PCDHGA2: variants seen among roughly 807,000 people sequenced by gnomAD.
PCDHGA2 encodes protocadherin gamma subfamily A, 2, also known as protocadherin gamma-A2.
Under a neutral mutation model 59.2 loss-of-function variants are expected in PCDHGA2, and 40 were observed. The observed-to-expected ratio is 0.68, with a 90% CI of 0.52 to 0.88. The LOEUF (loss-of-function observed/expected upper bound fraction) is 0.88. Among genes scored for constraint, PCDHGA2 ranks in the 40% least tolerant of loss-of-function variants. PCDHGA2 has a pLI of 0.00. For synonymous variants in PCDHGA2, 560 were observed against 526.0 expected (o/e 1.06, Z -0.89); for missense variants, 1,226 against 1,204.0 (o/e 1.02, Z -0.27).
rs780923234 is a variant in PCDHGA2 at position 141,339,362 on chromosome 5, C to G, written c.391C>G (p.Pro131Ala). 5 of 1,614,146 alleles carry G rather than the reference C, an allele frequency of 3.1e-6. No homozygotes were observed. The Admixed American group carries it at 8.3e-5, about 27-fold the overall frequency. Residue 131 changes from proline to alanine, a missense_variant, in exon 1 of 4, where the codon CCT becomes GCT. Transcript: ENST00000394576. Reference sequence around the variant, plus strand: ...AATAACAGATATTAACGATAATGCCCCTCGCTTTGGAGTAGAGGAACTGGA... The same window carrying G: ...AATAACAGATATTAACGATAATGCCGCTCGCTTTGGAGTAGAGGAACTGGA... ...VEITDINDNAPRFGVEELELK... is the reference protein window; with the variant it reads ...VEITDINDNAARFGVEELELK...
chr5:141,419,507 G>A (rs909984738), intron 1 of PCDHGA2: 2 of 1,612,198 alleles, frequency 1.2e-6, no homozygotes, highest in Non-Finnish European at 1.7e-6. Context: ...GAGCCTGCGC[G>A]TGTTGGTGGG....
Position 141,485,094 on chromosome 5 carries a change from C to A in PCDHGA2, c.2425-9713C>A. ...GGCGCGGGGAAAGGGAGATAGGTGT[C>A]TCCAGCTGCTGTGGCTGTTTGGGGC... On this transcript the variant is annotated intron_variant, in intron 1 of 3. Coordinates refer to ENST00000394576, the MANE Select transcript of PCDHGA2 (RefSeq NM_018915.4). The surrounding 1 kb of genome is among the most constrained non-coding windows in gnomAD (Gnocchi z 5.7). 9.1e-7 allele frequency: 1 copy of A among 1,100,766 alleles called. No individual in the cohort carries two copies. Among genetic ancestry groups the A allele is most frequent in the Non-Finnish European group, 1.4e-6 (1 of 736,922 alleles). The allele number at this position is 1,100,766 out of a possible 1,614,324, so 68.2% of individuals were successfully genotyped here. A position where few individuals can be genotyped will look rare whatever the true frequency, so the allele number is the denominator to read the frequency against.
At chr5:141,352,270 C>G in intron 1 of PCDHGA2, 1 of 1,614,072 alleles carries the variant, frequency 6.2e-7, no homozygotes, top group East Asian at 2.2e-5. Context: ...TATTGCCAGA[C>G]CTCAGCGACC....
At chr5:141,404,906 C>T (rs776779922) in intron 1 of PCDHGA2, 7 of 1,613,864 alleles carry the variant, frequency 4.3e-6, no homozygotes, top group Non-Finnish European at 5.1e-6. Context: ...CCATGGCCAG[C>T]CCCCTCTCTC....
chr5:141,477,553 A>T lies in PCDHGA2; in HGVS notation c.2425-17254A>T, dbSNP rs1478806410. 6.2e-7 allele frequency: 1 copy of T among 1,614,090 alleles called. No homozygotes were observed. Among genetic ancestry groups the T allele is most frequent in the Admixed American group, 1.7e-5 (1 of 60,028 alleles). On this transcript the variant is annotated intron_variant, in intron 1 of 3. Coordinates refer to ENST00000394576, the MANE Select transcript of PCDHGA2 (RefSeq NM_018915.4). The surrounding 1 kb of genome is among the most constrained non-coding windows in gnomAD (Gnocchi z 4.9). ...TCCCCGGGGCTCCAATACTAAACCT[A>T]AGTGTCTGGGACCCCGACGCCCCGC...
At chr5:141,349,688 G>A (rs542039698) in intron 1 of PCDHGA2, among the ~76,000 whole-genome samples, 21 of 151,828 alleles carry the variant, frequency 1.4e-4, no homozygotes, top group African/African-American at 4.8e-4. Context: ...TTACAGAAAG[G>A]TAGGTATTTT....
intron 1 of PCDHGA2, among the ~76,000 whole-genome samples, chr5:141,348,225 G>A (rs6877775): frequency 0.14 from 21,501 of 152,124 alleles, 2,088 homozygotes; most frequent in African/African-American, 0.28. Context: ...ATTAGGAAAA[G>A]GCACATTTAA....
In PCDHGA2 at chr5:141,431,964, A is replaced by G; in HGVS notation, c.2425-62843A>G. On this transcript the variant is annotated intron_variant, in intron 1 of 3. Coordinates refer to ENST00000394576, the MANE Select transcript of PCDHGA2 (RefSeq NM_018915.4). The surrounding 1 kb of genome is among the most constrained non-coding windows in gnomAD (Gnocchi z 4.8). Reference sequence around the variant, plus strand: ...TTAGAAAAATCTTACGGAAATTACTATAGTTTAGTCACAGACATAGTCTTG... The same window carrying G: ...TTAGAAAAATCTTACGGAAATTACTGTAGTTTAGTCACAGACATAGTCTTG... 2.5e-6 allele frequency: 4 copies of G among 1,614,218 alleles called. No individual in the cohort carries two copies. The highest frequency in any genetic ancestry group is 2.5e-6 in the Non-Finnish European group (3 of 1,180,028).
At chr5:141,371,163 G>A (rs79773129) in intron 1 of PCDHGA2, 6 of 1,613,984 alleles carry the variant, frequency 3.7e-6, no homozygotes, top group African/African-American at 1.3e-5. Flanking sequence ...GAACCTGCCC[G>A]CTGGCTCCTC....
intron 3 of PCDHGA2, among the ~76,000 whole-genome samples, chr5:141,508,616 G>T (rs1007206932): frequency 6.6e-6 from 1 of 152,114 alleles, no homozygotes; most frequent in African/African-American, 2.4e-5. Flanking sequence ...ATAGGACGTG[G>T]GTGGGCCGAG....
At chr5:141,347,618 C>T (rs551729279) in intron 1 of PCDHGA2, among the ~76,000 whole-genome samples, 3 of 151,998 alleles carry the variant, frequency 2.0e-5, no homozygotes, top group Non-Finnish European at 2.9e-5. Context: ...GAAAGCCTGT[C>T]TCTACTAAAA....
intron 1 of PCDHGA2, chr5:141,420,219 T>C: frequency 6.2e-7 from 1 of 1,607,100 alleles, no homozygotes. Flanking sequence ...GATAGCATGC[T>C]ACTGGCTAGC....
At chr5:141,414,312 C>T in intron 1 of PCDHGA2, 1 of 1,613,724 alleles carries the variant, frequency 6.2e-7, no homozygotes, top group South Asian at 1.1e-5. Context: ...ATGATTTAGA[C>T]TCTGAGCAGA....
At chr5:141,389,631 G>A (rs1390648430) in intron 1 of PCDHGA2, 15 of 1,612,998 alleles carry the variant, frequency 9.3e-6, no homozygotes, top group African/African-American at 1.3e-5. Flanking sequence ...TGCAGAGCCT[G>A]GCTACTTGGT....
Position 141,393,006 on chromosome 5 carries a change from C to T in PCDHGA2, c.2424+51611C>T, listed in dbSNP as rs182052960. On this transcript the variant is annotated intron_variant, in intron 1 of 3. Coordinates refer to ENST00000394576, the MANE Select transcript of PCDHGA2 (RefSeq NM_018915.4). ...CCGGAAGCTGGCGAAGCACGGAGTC[C>T]GTATCGTCTCCAGAGGTAGGACGCA... is the stretch of plus-strand genomic sequence containing the variant. 3.5e-3 allele frequency: 5,649 copies of T among 1,613,866 alleles called. 26 individuals are homozygous for T. The highest frequency in any genetic ancestry group is 4.1e-3 in the Non-Finnish European group (4,855 of 1,179,884).
At chr5:141,364,203 C>G (rs1763215170) in intron 1 of PCDHGA2, 2 of 1,152,828 alleles carry the variant, frequency 1.7e-6, no homozygotes, top group Non-Finnish European at 1.2e-6. Flanking sequence ...ACAGACCAGA[C>G]AAGCTCCTAC....
intron 2 of PCDHGA2, among the ~76,000 whole-genome samples, chr5:141,498,024 A>G (rs1455238086): frequency 6.6e-6 from 1 of 152,200 alleles, no homozygotes; most frequent in East Asian, 1.9e-4. Flanking sequence ...GGAGACAAAT[A>G]TTGACCAAAT....
intron 1 of PCDHGA2, chr5:141,409,428 C>T (rs2095264686): frequency 6.2e-7 from 1 of 1,613,870 alleles, no homozygotes; most frequent in Admixed American, 1.7e-5. Context: ...ACAGATGGAG[C>T]CCTGGACCGA....
At chr5:141,384,532 A>T (rs766404100) in intron 1 of PCDHGA2, 1 of 1,614,238 alleles carries the variant, frequency 6.2e-7, no homozygotes, top group South Asian at 1.1e-5. Flanking sequence ...TCTCAGCAGC[A>T]ACATGTCACT....
Sources: gnomAD v4.1 joint callset for allele counts (sites outside exome capture counted in the v4.1 genomes callset) on GRCh38, gnomAD v4.1.1 for gene constraint, Gnocchi (gnomAD v3.1) non-coding constraint, MANE v1.5 for transcripts, NCBI Gene and HGNC (gene_info 2026-07-23, HGNC 2026-07-21) for gene names.